TYW1: variants seen among roughly 807,000 people sequenced by gnomAD.
The protein encoded by TYW1 is tRNA-yW synthesizing protein 1 homolog.
A neutral mutation model predicts 96.2 loss-of-function variants in TYW1; 46 were observed. That is an observed-to-expected ratio of 0.48 (90% confidence interval 0.38 to 0.61). The LOEUF (loss-of-function observed/expected upper bound fraction) is 0.61, where lower values mean the gene tolerates loss of function less well. Ranked by LOEUF, TYW1 falls within the 20% of genes least tolerant of loss-of-function variation. The pLI is 0.00. For synonymous variants in TYW1, 274 were observed against 323.0 expected (o/e 0.85, Z 1.63); for missense variants, 684 against 909.6 (o/e 0.75, Z 3.19).
intron 15 of TYW1, among the ~76,000 whole-genome samples, chr7:67,216,797 G>T (rs1801208609): frequency 6.6e-6 from 1 of 150,730 alleles, no homozygotes; most frequent in African/African-American, 2.5e-5. Flanking sequence ...TGAGATCTAA[G>T]TTTGTTACAA....
At chr7:67,221,116 T>G (rs1801380379) in intron 15 of TYW1, among the ~76,000 whole-genome samples, 1 of 152,262 alleles carries the variant, frequency 6.6e-6, no homozygotes, top group African/African-American at 2.4e-5. Flanking sequence ...TGTTGTAGAA[T>G]TGTCATTTCT....
intron 12 of TYW1, among the ~76,000 whole-genome samples, chr7:67,106,408 A>G (rs1253963629): frequency 2.6e-5 from 4 of 152,046 alleles, no homozygotes; most frequent in Non-Finnish European, 5.9e-5. Flanking sequence ...TATTGCTGCG[A>G]TGGAAGACTC....
chr7:67,207,188 C>G (rs1266634244), intron 15 of TYW1, among the ~76,000 whole-genome samples: 1 of 152,128 alleles, frequency 6.6e-6, no homozygotes, highest in Non-Finnish European at 1.5e-5. Flanking sequence ...GCTGTGAGTT[C>G]CTAGAACACC....
chr7:66,996,925 A>AAGAAG lies in TYW1; in HGVS notation c.-53_-52insGAAGA, dbSNP rs1793184390. 6.2e-7 allele frequency: 1 copy of AAGAAG among 1,613,544 alleles called. No homozygotes were observed. The highest frequency in any genetic ancestry group is 8.5e-7 in the Non-Finnish European group (1 of 1,179,792). ...CGGTGCGTCTCGCGGTACCAGTGCG[A>AAGAAG]ATCATCGGGCTATCCAGGTCCGAGA... On this transcript the variant is annotated 5_prime_UTR_variant, in exon 1 of 16. Transcript: ENST00000359626.
At chr7:67,102,674 T>C (rs1453477823) in intron 12 of TYW1, among the ~76,000 whole-genome samples, 4 of 151,884 alleles carry the variant, frequency 2.6e-5, no homozygotes, top group Non-Finnish European at 5.9e-5. Flanking sequence ...TTTTTTGAGA[T>C]GGAGTCTCGC....
chr7:67,029,408 T>TAC (rs1381722152), intron 7 of TYW1, among the ~76,000 whole-genome samples: 1,593 of 134,550 alleles, frequency 0.012, 53 homozygotes, highest in Middle Eastern at 0.061. Context: ...TGTGTGTGTG[T>TAC]GTGTGTGTAT....
intron 7 of TYW1, among the ~76,000 whole-genome samples, chr7:67,047,449 C>T (rs62466630): frequency 0.04 from 6,058 of 152,092 alleles, 177 homozygotes; most frequent in Middle Eastern, 0.1. Context: ...TATAAAAGGC[C>T]TAGCATTAAG....
chr7:67,239,333 C>T lies in TYW1; in HGVS notation c.*804C>T, dbSNP rs552663513. ...CCAGGCCTCTCATATCATGACCAGA[C>T]GGCGGGTCTCCATCTTCTTTCACTC... is the stretch of plus-strand genomic sequence containing the variant. On this transcript the variant is annotated 3_prime_UTR_variant, in exon 16 of 16. Transcript: ENST00000359626. The T allele has an allele frequency of 1.2e-4, 121 of 985,368 alleles. No homozygotes were observed. Among genetic ancestry groups the T allele is most frequent in the African/African-American group, 9.8e-4 (56 of 57,360 alleles). 61.0% of individuals were successfully genotyped at this position (985,368 alleles called of 1,614,324 possible). A position where few individuals can be genotyped will look rare whatever the true frequency, so the allele number is the denominator to read the frequency against.
intron 9 of TYW1, among the ~76,000 whole-genome samples, chr7:67,061,075 A>G (rs938744738): frequency 1.3e-5 from 2 of 152,118 alleles, no homozygotes; most frequent in Admixed American, 6.5e-5. Context: ...TAAAAATACA[A>G]AAGTTAGATG....
At position 67,176,211 on chromosome 7, in the gene TYW1, T is replaced by A. The variant is rs554122507; in HGVS notation, c.1699-6915T>A. Reference sequence around the variant, plus strand: ...ACCTAGGAATAAATCTATGGAAAGATGTTTTTGACCTTTATATTGAAAACT... The same window carrying A: ...ACCTAGGAATAAATCTATGGAAAGAAGTTTTTGACCTTTATATTGAAAACT... On this transcript the variant is annotated intron_variant, in intron 13 of 15. Transcript: ENST00000359626. Among the ~76,000 whole-genome samples, 173 of 152,280 alleles carry A rather than the reference T, an allele frequency of 1.1e-3. 2 individuals are homozygous for A. The highest frequency in any genetic ancestry group is 4.1e-3 in the African/African-American group (169 of 41,552).
chr7:67,043,167 G>A (rs953880170), intron 7 of TYW1, among the ~76,000 whole-genome samples: 2 of 152,170 alleles, frequency 1.3e-5, no homozygotes, highest in African/African-American at 2.4e-5. Flanking sequence ...TGGCTGGTAA[G>A]TTGACAGGCT....
intron 9 of TYW1, among the ~76,000 whole-genome samples, chr7:67,060,753 A>G (rs1203676482): frequency 1.3e-5 from 2 of 152,358 alleles, no homozygotes; most frequent in Admixed American, 1.3e-4. Flanking sequence ...TAAGAGGAGT[A>G]AAAGTCTCAT....
rs888431110 is a variant in TYW1 at position 67,014,645 on chromosome 7, A to C, written c.570+84A>C. 6.8e-6 allele frequency: 10 copies of C among 1,465,028 alleles called. No individual in the cohort carries two copies. The African/African-American group carries it at 1.4e-4, about 21-fold the overall frequency. 90.8% of individuals were successfully genotyped at this position (1,465,028 alleles called of 1,614,324 possible). A position where few individuals can be genotyped will look rare whatever the true frequency, so the allele number is the denominator to read the frequency against. The stretch of plus-strand genomic sequence containing the variant: ...CACACGTAAACACACACACGTGCAC[A>C]CACGCACACACACATAAACACACAT... On this transcript the variant is annotated intron_variant, in intron 5 of 15. Coordinates refer to ENST00000359626, the MANE Select transcript of TYW1 (RefSeq NM_018264.4).
At chr7:67,004,724 A>T (rs998077966) in intron 3 of TYW1, among the ~76,000 whole-genome samples, 47 of 152,084 alleles carry the variant, frequency 3.1e-4, no homozygotes, top group Admixed American at 2.6e-3. Context: ...TATGAAGCTT[A>T]ATTTGGCTGG....
chr7:67,142,445 T>C (rs938558464), intron 13 of TYW1, among the ~76,000 whole-genome samples: 96 of 151,940 alleles, frequency 6.3e-4, no homozygotes, highest in African/African-American at 2.2e-3. Flanking sequence ...AATTTTTTTT[T>C]CGAGACAGAG....
At chr7:67,090,499 C>T (rs1352332267) in intron 11 of TYW1, among the ~76,000 whole-genome samples, 1 of 152,052 alleles carries the variant, frequency 6.6e-6, no homozygotes, top group Non-Finnish European at 1.5e-5. Flanking sequence ...GAGATGAAGT[C>T]CGCTTGTTAG....
At chr7:67,023,308 G>A (rs949372862) in intron 6 of TYW1, among the ~76,000 whole-genome samples, 1 of 151,962 alleles carries the variant, frequency 6.6e-6, no homozygotes. Context: ...TGTTGGTCAG[G>A]CTTGTCTCGA....
intron 15 of TYW1, among the ~76,000 whole-genome samples, chr7:67,212,670 TG>T (rs1801073291): frequency 1.9e-5 from 2 of 102,752 alleles, no homozygotes; most frequent in African/African-American, 3.7e-5. Flanking sequence ...ACGGTTTTTT[TG>T]TTTTTTTTTG....
intron 10 of TYW1, among the ~76,000 whole-genome samples, chr7:67,080,940 G>GTTTTTTTTTTTTTTTTTTTTTTTTTTT (rs71049495): frequency 5.4e-5 from 2 of 37,250 alleles, no homozygotes; most frequent in Non-Finnish European, 9.6e-5. Flanking sequence ...CTTTCTTACT[G>GTTTTTTTTTTTTTTTTTTTTTTTTTTT]TTTTTTTTTT....
Sources: gnomAD v4.1 joint callset for allele counts (sites outside exome capture counted in the v4.1 genomes callset) on GRCh38, gnomAD v4.1.1 for gene constraint, MANE v1.5 for transcripts, NCBI Gene and HGNC (gene_info 2026-07-23, HGNC 2026-07-21) for gene names.